NLK: variants seen among roughly 807,000 people sequenced by gnomAD.
NLK encodes the protein nemo like kinase.
A neutral mutation model predicts 59.0 loss-of-function variants in NLK; 11 were observed. The observed-to-expected ratio is 0.19, with a 90% CI of 0.12 to 0.31. The LOEUF is 0.31. NLK is among the 10% of genes least tolerant of loss of function. NLK has a pLI of 1.00. For missense variants in NLK, 410 were observed against 661.1 expected, an observed-to-expected ratio of 0.62 and a Z score of 4.16; for synonymous variants, 235 against 235.9, an observed-to-expected ratio of 1.00 and a Z score of 0.03.
At chr17:28,111,888 GTGTGTGTGGTGTGTGTGTGTGTGT>G (rs1456915108) in intron 1 of NLK, among the ~76,000 whole-genome samples, 330 of 121,204 alleles carry the variant, frequency 2.7e-3, no homozygotes, top group African/African-American at 0.01. Context: ...GTGTGTGTGT[GTGTGTGTGGTGTGTGTGTGTGTGT>G]GTGTGTGTGT....
At chr17:28,055,091 T>C (rs893370277) in intron 1 of NLK, among the ~76,000 whole-genome samples, 1 of 151,378 alleles carries the variant, frequency 6.6e-6, no homozygotes, top group African/African-American at 2.4e-5. Context: ...GGGGATTTTT[T>C]TTTCTTTTTT....
chr17:28,204,169 G>C, the NLK span, among the ~76,000 whole-genome samples: 7 of 152,338 alleles, frequency 4.6e-5, no homozygotes, highest in Admixed American at 3.9e-4. Context: ...CAAAACTGAG[G>C]TTCCTAGAGG....
chr17:28,081,307 T>C (rs1047755122), intron 1 of NLK, among the ~76,000 whole-genome samples: 2 of 151,934 alleles, frequency 1.3e-5, no homozygotes, highest in Non-Finnish European at 2.9e-5. Context: ...GGCTCAAGTC[T>C]CCTGAGTAAC....
intron 1 of NLK, among the ~76,000 whole-genome samples, chr17:28,046,849 CTT>C (rs1909074209): frequency 6.6e-6 from 1 of 152,098 alleles, no homozygotes; most frequent in Admixed American, 6.6e-5. Flanking sequence ...TGGGAAAAGA[CTT>C]TTTTATAAAA....
chr17:28,157,433 C>T (rs1567731069), intron 3 of NLK, among the ~76,000 whole-genome samples: 1 of 152,060 alleles, frequency 6.6e-6, no homozygotes, highest in African/African-American at 2.4e-5. Context: ...TCAAGTGATC[C>T]ACCTGCCTCT....
At chr17:28,077,704 T>A (rs892002773) in intron 1 of NLK, among the ~76,000 whole-genome samples, 3 of 152,224 alleles carry the variant, frequency 2.0e-5, no homozygotes, top group African/African-American at 7.2e-5. Context: ...TATATTAAAC[T>A]TTGCATTAAT....
intron 1 of NLK, among the ~76,000 whole-genome samples, chr17:28,105,028 A>G (rs1481680647): frequency 6.6e-6 from 1 of 152,214 alleles, no homozygotes; most frequent in Admixed American, 6.5e-5. Context: ...TTGACTTAGT[A>G]GCCTTCCATT....
chr17:28,194,794 G>A lies in NLK; in HGVS notation c.*158G>A, dbSNP rs994982879. The A allele has an allele frequency of 4.6e-6, 2 of 430,472 alleles. No individual in the cohort carries two copies. 26.7% of individuals were successfully genotyped at this position (430,472 alleles called of 1,614,324 possible). ...TATGATATGAATAATATTTAGAAAT[G>A]TTACTAGACTTTTAATCTTGTAAAG... On this transcript the variant is annotated 3_prime_UTR_variant, in exon 11 of 11. Coordinates refer to ENST00000407008, the MANE Select transcript of NLK (RefSeq NM_016231.5).
the NLK span, among the ~76,000 whole-genome samples, chr17:28,201,386 T>TTC: frequency 6.7e-6 from 1 of 149,890 alleles, no homozygotes; most frequent in Admixed American, 6.7e-5. Flanking sequence ...CCTGGTCTTT[T>TTC]TTTTTTTTTT....
chr17:28,152,294 TACTC>T, intron 3 of NLK, among the ~76,000 whole-genome samples: 1 of 152,366 alleles, frequency 6.6e-6, no homozygotes, highest in East Asian at 1.9e-4. Flanking sequence ...ATTTCATACT[TACTC>T]TGTTTTTGGC....
intron 1 of NLK, among the ~76,000 whole-genome samples, chr17:28,073,447 C>A (rs1910072812): frequency 6.6e-6 from 1 of 152,164 alleles, no homozygotes; most frequent in South Asian, 2.1e-4. Flanking sequence ...ATGTTACTCA[C>A]CTTTGTGAAT....
chr17:28,059,404 A>G (rs1909553655), intron 1 of NLK, among the ~76,000 whole-genome samples: 1 of 152,144 alleles, frequency 6.6e-6, no homozygotes, highest in South Asian at 2.1e-4. Flanking sequence ...CTTTATTTAT[A>G]CTGTTTTCTA....
chr17:28,147,542 A>T (rs1325306285), intron 3 of NLK, among the ~76,000 whole-genome samples: 1 of 152,192 alleles, frequency 6.6e-6, no homozygotes, highest in Admixed American at 6.5e-5. Flanking sequence ...GGAGAGGCTT[A>T]TCATTGAGGT....
At chr17:28,185,487 CTCTTATT>C (rs981683487) in intron 8 of NLK, among the ~76,000 whole-genome samples, 1 of 152,110 alleles carries the variant, frequency 6.6e-6, no homozygotes, top group African/African-American at 2.4e-5. Flanking sequence ...TCTTATTTAA[CTCTTATT>C]TCTTATTTAT....
intron 1 of NLK, among the ~76,000 whole-genome samples, chr17:28,094,300 C>T (rs1030409905): frequency 1.3e-5 from 2 of 152,204 alleles, no homozygotes; most frequent in Admixed American, 1.3e-4. Context: ...GAGATGATGT[C>T]AGATTGCTTT....
At position 28,185,565 on chromosome 17, in the gene NLK, T is replaced by C. The variant is rs75737922; in HGVS notation, c.1236+300T>C. On this transcript the variant is annotated intron_variant, in intron 8 of 10. Coordinates refer to ENST00000407008, the MANE Select transcript of NLK (RefSeq NM_016231.5). ...AGTCAAGACAAAATGATTTTTTGTT[T>C]TGAGACAAGGTCTTGCTCTGTCACC... Among the ~76,000 whole-genome samples the C allele has an allele frequency of 4.0e-4, 61 of 152,254 alleles. 2 individuals are homozygous for C. The East Asian group carries it at 0.012, about 29-fold the overall frequency.
chr17:28,138,857 A>G (rs2142027224), intron 3 of NLK, among the ~76,000 whole-genome samples: 1 of 152,362 alleles, frequency 6.6e-6, no homozygotes, highest in East Asian at 1.9e-4. Context: ...CAAAATAAAT[A>G]TTTGGTAAAT....
intron 3 of NLK, among the ~76,000 whole-genome samples, chr17:28,160,146 G>A (rs538305044): frequency 3.3e-5 from 5 of 152,288 alleles, no homozygotes; most frequent in East Asian, 3.9e-4. Flanking sequence ...GAGTATCCAC[G>A]AGTGTGGATA....
chr17:28,193,676 C>G (rs1378896913), intron 10 of NLK, among the ~76,000 whole-genome samples: 1 of 152,174 alleles, frequency 6.6e-6, no homozygotes, highest in African/African-American at 2.4e-5. Context: ...TCCTTTTTCT[C>G]TCTTCCTGCT....
Sources: allele counts gnomAD v4.1 joint callset (sites outside exome capture counted in the v4.1 genomes callset), GRCh38; gene constraint gnomAD v4.1.1; transcripts MANE v1.5; gene names NCBI Gene and HGNC (gene_info 2026-07-23, HGNC 2026-07-21).